The following C2CD3 variants were observed in gnomAD, a reference collection of about 807,000 sequenced individuals.
C2CD3 encodes the protein C2 domain-containing protein 3.
A neutral mutation model predicts 234.0 loss-of-function variants in C2CD3; 148 were observed. The observed-to-expected ratio is 0.63, with a 90% confidence interval of 0.55 to 0.72. The LOEUF is 0.72. Among genes scored for constraint, C2CD3 ranks in the 30% least tolerant of loss-of-function variants. The pLI, the probability that C2CD3 is intolerant of heterozygous loss-of-function variation, is 0.00. For missense variants in C2CD3, 2,577 were observed against 2,811.5 expected (o/e 0.92, Z 1.89); for synonymous variants, 1,000 against 1,035.4 (o/e 0.97, Z 0.66).
At chr11:74,037,100 T>C (rs17132617) in intron 30 of C2CD3, among the ~76,000 whole-genome samples, 2,886 of 152,300 alleles carry the variant, frequency 0.019, 94 homozygotes, top group African/African-American at 0.066. Context: ...TTCATTATTT[T>C]CTCAGAGAGT....
At chr11:74,058,696 G>C (rs1954073143) in intron 24 of C2CD3, among the ~76,000 whole-genome samples, 1 of 151,978 alleles carries the variant, frequency 6.6e-6, no homozygotes, top group Non-Finnish European at 1.5e-5. Context: ...TACAAGATCA[G>C]GTTTCCAATG....
intron 15 of C2CD3, among the ~76,000 whole-genome samples, chr11:74,098,893 A>G (rs1193728822): frequency 3.3e-5 from 5 of 152,340 alleles, no homozygotes; most frequent in African/African-American, 1.2e-4. Flanking sequence ...CAAGCAATTC[A>G]TTTAACATTT....
intron 2 of C2CD3, among the ~76,000 whole-genome samples, chr11:74,165,098 G>A (rs965832996): frequency 6.6e-6 from 1 of 151,972 alleles, no homozygotes; most frequent in Admixed American, 6.6e-5. Flanking sequence ...AAATAGATAC[G>A]AAGAAATAAA....
intron 24 of C2CD3, among the ~76,000 whole-genome samples, chr11:74,066,480 T>TA (rs1954548765): frequency 6.6e-6 from 1 of 151,990 alleles, no homozygotes; most frequent in Non-Finnish European, 1.5e-5. Context: ...AAGTAGTCTT[T>TA]AAAAGACAGG....
In C2CD3 at chr11:74,098,159, T is replaced by A. The variant is rs774613341; in HGVS notation, c.2829A>T (p.Gln943His). The A allele has an allele frequency of 1.2e-6, 2 of 1,614,110 alleles. No individual in the cohort carries two copies. Among genetic ancestry groups the A allele is most frequent in the Non-Finnish European group, 1.7e-6 (2 of 1,179,978 alleles). ...CTAAAAAGACTCGAAGACTCCCATT[T>A]TGGTGGCCTGAAAACACATCAATCA... ...MPVIDVFSGHQNGSLRVFLAM... is the reference protein window; with the variant it reads ...MPVIDVFSGHHNGSLRVFLAM... Residue 943 changes from glutamine (Q) to histidine (H), a missense_variant, in exon 16 of 33, where the codon CAA becomes CAT. Transcript: ENST00000334126.
chr11:74,078,398 C>A lies in C2CD3; in HGVS notation c.4320G>T (p.Lys1440Asn). ...HKNTYCYLRY[K>N]FYDHEAFWTP... ...TCCAAAAGGCTTCATGATCATAGAA[C>A]TTGTAGCGAAGGTAGCAATATGTAT... The change falls in exon 23 of 33, where the codon AAG becomes AAT. Residue 1440 changes from lysine to asparagine, a missense_variant. Physicochemically the swap from Lys to Asn is moderately conservative, Grantham distance 94. Transcript: ENST00000334126. The A allele has an allele frequency of 6.2e-7, 1 of 1,614,178 alleles. No individual in the cohort carries two copies. Among genetic ancestry groups the A allele is most frequent in the Middle Eastern group, 1.6e-4 (1 of 6,062 alleles).
chr11:74,161,682 C>T (rs1430012030), intron 2 of C2CD3, 126 bp from the exon 3 acceptor site: 1 of 521,190 alleles, frequency 1.9e-6, no homozygotes, highest in Admixed American at 3.7e-5. Context: ...TGTTGGATAA[C>T]ACCATTGCAT....
At chr11:74,149,994 G>A (rs1184649822) in intron 3 of C2CD3, among the ~76,000 whole-genome samples, 1 of 152,084 alleles carries the variant, frequency 6.6e-6, no homozygotes, top group Non-Finnish European at 1.5e-5. Context: ...GAAGTTTGAA[G>A]CCACTCTACT....
intron 32 of C2CD3, among the ~76,000 whole-genome samples, chr11:74,027,210 G>A (rs544988627): frequency 8.3e-4 from 126 of 152,118 alleles, no homozygotes; most frequent in African/African-American, 2.6e-3. Context: ...GGGCTCAAGC[G>A]ATTTTTGTGA....
chr11:74,102,369 A>C (rs1287995283), intron 14 of C2CD3, among the ~76,000 whole-genome samples: 1 of 152,252 alleles, frequency 6.6e-6, no homozygotes, highest in African/African-American at 2.4e-5. Flanking sequence ...TGCTTCTGAG[A>C]TATCCAGGTG....
intron 24 of C2CD3, among the ~76,000 whole-genome samples, chr11:74,068,743 T>C (rs566625882): frequency 1.3e-5 from 2 of 152,182 alleles, no homozygotes; most frequent in African/African-American, 4.8e-5. Flanking sequence ...TAATTCTAGA[T>C]ATATATCAAC....
At chr11:74,059,937 A>G (rs1954150171) in intron 24 of C2CD3, among the ~76,000 whole-genome samples, 1 of 152,138 alleles carries the variant, frequency 6.6e-6, no homozygotes, top group South Asian at 2.1e-4. Context: ...CACTTTTCCA[A>G]CGGCCTTAGC....
At chr11:74,054,776 A>G (rs751925548) in intron 25 of C2CD3, 105 bp from the exon 26 acceptor site, 4 of 707,478 alleles carry the variant, frequency 5.7e-6, no homozygotes, top group Non-Finnish European at 9.6e-6. Context: ...CTTTCCCAAC[A>G]CTATTTCATC....
At chr11:74,059,410 CAAAAAAAA>C (rs57052333) in intron 24 of C2CD3, among the ~76,000 whole-genome samples, 4 of 29,958 alleles carry the variant, frequency 1.3e-4, no homozygotes, top group African/African-American at 2.8e-4. Flanking sequence ...GACTCTGTCT[CAAAAAAAA>C]AAAAAAAAAA....
chr11:74,039,216 G>A (rs1486098273), intron 29 of C2CD3, among the ~76,000 whole-genome samples: 1 of 152,176 alleles, frequency 6.6e-6, no homozygotes, highest in Non-Finnish European at 1.5e-5. Context: ...GTAGAACCAT[G>A]TAGAACCATG....
rs938261481 is a variant in C2CD3 at position 74,028,391 on chromosome 11, G to A, written c.6817C>T (p.Pro2273Ser). Residue 2273 changes from proline (P) to serine (S), a missense_variant, in exon 32 of 33, where the codon CCC becomes TCC. Coordinates refer to ENST00000334126, the MANE Select transcript of C2CD3 (RefSeq NM_001286577.2). ...STKQSLLLPG[P>S]IVVPNFFLPP... ...AAAAAGAAGTTGGGCACCACAATGGGCCCTGGGCTACAATGGTAGTTAAGG... is the reference window on the plus strand; with the variant it reads ...AAAAAGAAGTTGGGCACCACAATGGACCCTGGGCTACAATGGTAGTTAAGG... The A allele has an allele frequency of 5.2e-6, 8 of 1,534,718 alleles. No homozygotes were observed. In the African/African-American group the frequency reaches 8.2e-5, roughly 16 times the overall value.
intron 32 of C2CD3, among the ~76,000 whole-genome samples, chr11:74,014,776 C>T (rs1295196034): frequency 6.6e-6 from 1 of 152,180 alleles, no homozygotes; most frequent in Non-Finnish European, 1.5e-5. Context: ...TGATCTACTG[C>T]CTGGATGTCA....
At chr11:74,026,352 T>G (rs998890395) in intron 32 of C2CD3, among the ~76,000 whole-genome samples, 1 of 151,468 alleles carries the variant, frequency 6.6e-6, no homozygotes, top group African/African-American at 2.4e-5. Context: ...GAACTTAAGA[T>G]TAATTCCTGT....
rs1363408572 is a variant in C2CD3 at position 74,095,328 on chromosome 11, C to T, written c.3060G>A (p.Gln1020=). The change falls in exon 17 of 33, where the codon CAG becomes CAA. Residue 1020 remains glutamine (Q), a synonymous_variant. Transcript: ENST00000334126. ...IEMVKGLAPL[Q]ATVWGEADCY... is the part of the protein sequence containing the mutation. ...AATCTGCTTCTCCCCAGACTGTTGC[C>T]TGAAGAGGGGCTAGCCCTTTAACCA... The T allele has an allele frequency of 1.9e-6, 3 of 1,613,832 alleles. No homozygotes were observed. The highest frequency in any genetic ancestry group is 2.5e-6 in the Non-Finnish European group (3 of 1,179,792).
Sources: gnomAD v4.1 joint callset for allele counts (sites outside exome capture counted in the v4.1 genomes callset) on GRCh38, gnomAD v4.1.1 for gene constraint, MANE v1.5 for transcripts, NCBI Gene and HGNC (gene_info 2026-07-23, HGNC 2026-07-21) for gene names.